FRMD1: variants seen among roughly 807,000 people sequenced by gnomAD.
The protein encoded by FRMD1 is FERM domain containing 1, also known as FERM domain-containing protein 1.
Under a neutral mutation model 54.9 loss-of-function variants are expected in FRMD1, and 51 were observed. The ratio of observed to expected loss-of-function variants is 0.93; its 90% confidence interval spans 0.74 to 1.17. FRMD1 has a LOEUF of 1.17. Among genes scored for constraint, FRMD1 ranks in the 50% most tolerant of loss-of-function variants. The pLI, the probability that FRMD1 is intolerant of heterozygous loss-of-function variation, is 0.00. For synonymous variants in FRMD1, 324 were observed against 306.4 expected (o/e 1.06, Z -0.60); for missense variants, 729 against 743.0 (o/e 0.98, Z 0.22).
chr6:168,079,161 G>A lies in FRMD1; in HGVS notation c.-67C>T. ...GGTGCTCAGCACCTCCCAGATCACAGCTGTGCTTTCCGGGACCCGCCCTTG... is the reference window on the plus strand; with the variant it reads ...GGTGCTCAGCACCTCCCAGATCACAACTGTGCTTTCCGGGACCCGCCCTTG... On this transcript the variant is annotated 5_prime_UTR_variant, in exon 1 of 11. Transcript: ENST00000283309. The A allele has an allele frequency of 6.7e-7, 1 of 1,484,650 alleles. No homozygotes were observed. The highest frequency in any genetic ancestry group is 8.9e-7 in the Non-Finnish European group (1 of 1,120,150). 92.0% of individuals were successfully genotyped at this position (1,484,650 alleles called of 1,614,324 possible). A position where few individuals can be genotyped will look rare whatever the true frequency, so the allele number is the denominator to read the frequency against.
At chr6:168,088,501 C>T (rs1186237137) in intron 1 of FRMD1, among the ~76,000 whole-genome samples, 1 of 152,210 alleles carries the variant, frequency 6.6e-6, no homozygotes, top group Non-Finnish European at 1.5e-5. Flanking sequence ...CTGATCTTCT[C>T]AGGCATAAAC....
At position 168,059,680 on chromosome 6, in the gene FRMD1, C is replaced by CA. The variant is rs1291782699; in HGVS notation, c.1343-493dup. 2.0e-5 allele frequency among the ~76,000 whole-genome samples: 3 copies of CA among 152,248 alleles called. No homozygotes were observed. The East Asian group carries it at 5.8e-4, about 30-fold the overall frequency. ...CCACCGTCAGGGCCGTGGGGACACT[C>CA]AGAGACCAGCAGAGCTCACGTCCCC... is the stretch of plus-strand genomic sequence containing the variant. On this transcript the variant is annotated intron_variant, in intron 9 of 10. Coordinates refer to ENST00000283309, the MANE Select transcript of FRMD1 (RefSeq NM_024919.6). This position sits in a 1 kb window ranked among gnomAD's most constrained non-coding sequence, Gnocchi z 4.4.
At position 168,079,019 on chromosome 6, in the gene FRMD1, G is replaced by A. The variant is rs767627123; in HGVS notation, c.76C>T (p.Arg26Ter). Residue 26 changes from arginine (R) to a stop codon, truncating the protein, a stop_gained, in exon 1 of 11, where the codon CGA (arginine) becomes TGA (stop). Coordinates refer to ENST00000283309, the MANE Select transcript of FRMD1 (RefSeq NM_024919.6). LOFTEE classifies it high-confidence loss of function. Reference protein sequence around the residue: ...NPDTFPPSGARCMEPSPERPA... With the variant: ...NPDTFPPSGA ...CTCTCAGGACTGGGTTCCATACATC[G>A]CGCCCCTGAAGGAGGGAACGTGTCA... 1.7e-5 allele frequency: 27 copies of A among 1,611,988 alleles called. No individual in the cohort carries two copies. Among genetic ancestry groups the A allele is most frequent in the African/African-American group, 4.0e-5 (3 of 74,874 alleles).
chr6:168,087,882 C>T (rs9355052), intron 1 of FRMD1, among the ~76,000 whole-genome samples: 43,729 of 152,070 alleles, frequency 0.29, 7,267 homozygotes, highest in South Asian at 0.53. Context: ...TTCCACCCCT[C>T]TCATGGTGCT....
chr6:168,067,960 A>AAC (rs1800129244), intron 2 of FRMD1, among the ~76,000 whole-genome samples: 1 of 151,236 alleles, frequency 6.6e-6, no homozygotes, highest in African/African-American at 2.4e-5. Flanking sequence ...AAAAAAAAAA[A>AAC]AATTAGCTGG....
chr6:168,077,989 C>T (rs186278624), intron 1 of FRMD1, among the ~76,000 whole-genome samples: 12 of 152,272 alleles, frequency 7.9e-5, no homozygotes, highest in East Asian at 5.8e-4. Context: ...AACTCTATCC[C>T]GAAGCAGACA....
intron 2 of FRMD1, among the ~76,000 whole-genome samples, chr6:168,069,489 G>A (rs1583189609): frequency 1.3e-5 from 2 of 152,154 alleles, no homozygotes; most frequent in South Asian, 2.1e-4. Flanking sequence ...TTGGGTACTC[G>A]AGCTTGAACT....
At chr6:168,069,179 G>A (rs1363208748) in intron 2 of FRMD1, among the ~76,000 whole-genome samples, 3 of 152,212 alleles carry the variant, frequency 2.0e-5, no homozygotes, top group Admixed American at 2.0e-4. Context: ...GACTTGCAGA[G>A]TCTAGGGGAG....
At chr6:168,060,250 TG>T (rs891187101) in intron 9 of FRMD1, among the ~76,000 whole-genome samples, 3 of 116,864 alleles carry the variant, frequency 2.6e-5, no homozygotes, top group African/African-American at 1.0e-4. Context: ...TTCCTATGTG[TG>T]GGGATGGGAT....
intron 10 of FRMD1, among the ~76,000 whole-genome samples, chr6:168,057,963 G>C (rs1017330307): frequency 6.6e-6 from 1 of 152,238 alleles, no homozygotes; most frequent in Non-Finnish European, 1.5e-5. Flanking sequence ...CCTTCTACGC[G>C]TGTTTCCTTG....
chr6:168,081,259 G>C (rs1369954284), upstream of FRMD1: 4 of 1,245,434 alleles, frequency 3.2e-6, no homozygotes, highest in Non-Finnish European at 4.2e-6. Flanking sequence ...GGGGACACCA[G>C]AACCTCTGTC....
chr6:168,088,485 C>G (rs1048138622), intron 1 of FRMD1, among the ~76,000 whole-genome samples: 1 of 152,228 alleles, frequency 6.6e-6, no homozygotes, highest in African/African-American at 2.4e-5. Context: ...CTGCCTCCCC[C>G]GGCATCTGAT....
At chr6:168,079,951 C>T (rs1257277506), upstream of FRMD1, among the ~76,000 whole-genome samples, 2 of 152,172 alleles carry the variant, frequency 1.3e-5, no homozygotes, top group Non-Finnish European at 2.9e-5. Context: ...GGCCCTGGGA[C>T]CACCCAGACC....
intron 1 of FRMD1, among the ~76,000 whole-genome samples, chr6:168,092,733 T>A (rs1411916259): frequency 6.6e-6 from 1 of 152,236 alleles, no homozygotes; most frequent in Non-Finnish European, 1.5e-5. Flanking sequence ...GCTCCTGGTC[T>A]GTGGGATTTT....
rs112090504 is a variant in FRMD1 at position 168,060,681 on chromosome 6, G to A, written c.1342+80C>T. 1.5e-3 allele frequency: 2,135 copies of A among 1,430,380 alleles called. 25 individuals carry two copies. The African/African-American group carries it at 0.024, about 16-fold the overall frequency. 88.6% of individuals were successfully genotyped at this position (1,430,380 alleles called of 1,614,324 possible). A position where few individuals can be genotyped will look rare whatever the true frequency, so the allele number is the denominator to read the frequency against. On this transcript the variant is annotated intron_variant, in intron 9 of 10. Transcript: ENST00000283309. ...GGGCAGGCCAGGGCTTTGCTGCCTC[G>A]GTGTCCAGGGTCAGCCAAGCTGGGG...
At chr6:168,067,112 C>T (rs1800073603) in intron 3 of FRMD1, 3 of 704,090 alleles carry the variant, frequency 4.3e-6, no homozygotes, top group Non-Finnish European at 7.7e-6. Context: ...CTGCGGACAG[C>T]CCCTCTGGAC....
rs546047449 is a variant in FRMD1, at chr6:168,055,009, A to C, written c.*2088T>G. 6.6e-6 allele frequency: 1 copy of C among 152,366 alleles called. No homozygotes were observed. Among genetic ancestry groups the C allele is most frequent in the South Asian group, 2.1e-4 (1 of 4,832 alleles). 9.4% of individuals were successfully genotyped at this position (152,366 alleles called of 1,614,324 possible). ...CCACATACCCTGAACACCAGAGATT[A>C]GAGTCTTTGGAGCAGCCCTACCCGG... On this transcript the variant is annotated 3_prime_UTR_variant, in exon 11 of 11. Coordinates refer to ENST00000283309, the MANE Select transcript of FRMD1 (RefSeq NM_024919.6).
intron 1 of FRMD1, 65 bp from the exon 2 acceptor site, chr6:168,075,400 G>C (rs1049034086): frequency 7.5e-7 from 1 of 1,333,944 alleles, no homozygotes; most frequent in Non-Finnish European, 1.1e-6. Flanking sequence ...GGCCACCTCA[G>C]CAAACGAGGC....
intron 2 of FRMD1, among the ~76,000 whole-genome samples, chr6:168,071,995 G>A (rs1428613270): frequency 6.6e-6 from 1 of 152,224 alleles, no homozygotes; most frequent in Non-Finnish European, 1.5e-5. Context: ...CTTAGCATCT[G>A]GGCAGCTGAT....
Sources: gnomAD v4.1 joint callset for allele counts (sites outside exome capture counted in the v4.1 genomes callset) on GRCh38, gnomAD v4.1.1 for gene constraint, Gnocchi (gnomAD v3.1) non-coding constraint, MANE v1.5 for transcripts, NCBI Gene and HGNC (gene_info 2026-07-23, HGNC 2026-07-21) for gene names.